Variants in SLC2A13 observed in about 807,000 individuals in gnomAD.
SLC2A13 encodes solute carrier family 2 member 13, also known as proton myo-inositol cotransporter.
A neutral mutation model predicts 64.4 loss-of-function variants in SLC2A13; 32 were observed. The ratio of observed to expected loss-of-function variants is 0.50; its 90% CI spans 0.37 to 0.67. SLC2A13 has a LOEUF of 0.67. SLC2A13 is among the 30% of genes least tolerant of loss of function. The pLI is 0.00. For missense variants in SLC2A13, 743 were observed against 829.2 expected (o/e 0.90, Z 1.28); for synonymous variants, 338 against 327.1 (o/e 1.03, Z -0.36).
chr12:39,817,196 C>T (rs1193546439), intron 7 of SLC2A13, among the ~76,000 whole-genome samples: 2 of 152,192 alleles, frequency 1.3e-5, no homozygotes, highest in Non-Finnish European at 2.9e-5. Context: ...CACAGGAGTA[C>T]TCAACAAATT....
chr12:39,803,773 G>A (rs566687888), intron 7 of SLC2A13, among the ~76,000 whole-genome samples: 13 of 152,156 alleles, frequency 8.5e-5, no homozygotes, highest in South Asian at 8.3e-4. Context: ...GCATCTCACC[G>A]GAATTCCAAA....
At chr12:39,853,577 TCTTCCTTC>T (rs779299351) in intron 6 of SLC2A13, among the ~76,000 whole-genome samples, 1 of 151,758 alleles carries the variant, frequency 6.6e-6, no homozygotes, top group South Asian at 2.1e-4. Context: ...TTCCTTCCTT[TCTTCCTTC>T]CTTCCTTCCT....
At chr12:39,830,055 C>A (rs776023702) in intron 7 of SLC2A13, 48 bp downstream of exon 7, 1 of 1,610,314 alleles carries the variant, frequency 6.2e-7, no homozygotes, top group East Asian at 2.2e-5. Context: ...ACATAAGCCT[C>A]GTTTTGAAAT....
chr12:40,070,401 G>A (rs1592057241), intron 1 of SLC2A13, among the ~76,000 whole-genome samples: 1 of 152,128 alleles, frequency 6.6e-6, no homozygotes, highest in African/African-American at 2.4e-5. Context: ...TCCTTCTTCT[G>A]TAAGAAGAGA....
At chr12:40,047,576 A>G (rs1281434164) in intron 2 of SLC2A13, among the ~76,000 whole-genome samples, 1 of 152,222 alleles carries the variant, frequency 6.6e-6, no homozygotes, top group Admixed American at 6.5e-5. Context: ...ATATCAAGGA[A>G]TAATTTGTAT....
intron 2 of SLC2A13, among the ~76,000 whole-genome samples, chr12:40,035,154 G>A (rs994558811): frequency 3.3e-5 from 5 of 152,110 alleles, no homozygotes; most frequent in African/African-American, 1.2e-4. Context: ...TATACTGAAG[G>A]AATAATCACA....
intron 1 of SLC2A13, among the ~76,000 whole-genome samples, chr12:40,093,265 A>G (rs1201336179): frequency 1.3e-5 from 2 of 152,250 alleles, no homozygotes; most frequent in African/African-American, 4.8e-5. Flanking sequence ...GCAACCCTAG[A>G]GAACATTTAA....
rs541989719 is a variant in SLC2A13 at position 39,884,060 on chromosome 12, T to C, written c.1035-12099A>G. Reference sequence around the variant, plus strand: ...AGTTTTGTTTGAAGTGTTAACATTTTGTAGATTGGAAAATGTCATACATTG... The same window carrying C: ...AGTTTTGTTTGAAGTGTTAACATTTCGTAGATTGGAAAATGTCATACATTG... On this transcript the variant is annotated intron_variant, in intron 4 of 9. Coordinates refer to ENST00000280871, the MANE Select transcript of SLC2A13 (RefSeq NM_052885.4). 2.0e-5 allele frequency among the ~76,000 whole-genome samples: 3 copies of C among 152,338 alleles called. No homozygotes were observed. In the East Asian group the frequency reaches 5.8e-4, roughly 29 times the overall value.
chr12:39,804,538 T>TG (rs1941905538), intron 7 of SLC2A13, among the ~76,000 whole-genome samples: 3 of 152,206 alleles, frequency 2.0e-5, no homozygotes, highest in Non-Finnish European at 4.4e-5. Context: ...CCCTGATTTC[T>TG]TAGCTTGTAG....
chr12:39,835,258 A>C (rs1367034801), intron 6 of SLC2A13, among the ~76,000 whole-genome samples: 1 of 152,070 alleles, frequency 6.6e-6, no homozygotes, highest in Non-Finnish European at 1.5e-5. Context: ...ATTGTCTAAC[A>C]ATCCACCCAG....
chr12:40,046,634 T>C (rs1484436691), intron 2 of SLC2A13, among the ~76,000 whole-genome samples: 2 of 149,312 alleles, frequency 1.3e-5, no homozygotes, highest in South Asian at 2.1e-4. Flanking sequence ...ATCTACTGAG[T>C]AGAAAAAAAA....
At chr12:39,900,380 A>C (rs1945058328) in intron 4 of SLC2A13, among the ~76,000 whole-genome samples, 1 of 152,180 alleles carries the variant, frequency 6.6e-6, no homozygotes, top group African/African-American at 2.4e-5. Context: ...TTATATTAGG[A>C]AAAGAGGAAG....
At chr12:40,077,256 G>C (rs916290097) in intron 1 of SLC2A13, among the ~76,000 whole-genome samples, 1 of 151,966 alleles carries the variant, frequency 6.6e-6, no homozygotes, top group Non-Finnish European at 1.5e-5. Flanking sequence ...TATTTCCTAG[G>C]CTTCCTTCTA....
At chr12:39,988,773 T>A (rs1486270800) in intron 3 of SLC2A13, among the ~76,000 whole-genome samples, 6 of 152,026 alleles carry the variant, frequency 3.9e-5, no homozygotes, top group Non-Finnish European at 1.5e-5. Context: ...AGTTGTTAAA[T>A]TCATAGCTTA....
At chr12:39,900,944 C>T (rs1945081914) in intron 4 of SLC2A13, among the ~76,000 whole-genome samples, 1 of 152,126 alleles carries the variant, frequency 6.6e-6, no homozygotes, top group Non-Finnish European at 1.5e-5. Flanking sequence ...AACTATACCA[C>T]AAGGCAACAG....
chr12:40,046,159 C>A (rs2136235097), intron 2 of SLC2A13, among the ~76,000 whole-genome samples: 1 of 152,274 alleles, frequency 6.6e-6, no homozygotes. Flanking sequence ...TCTGGTTCTA[C>A]TTTATAGAAA....
chr12:40,055,181 G>T (rs928171676), intron 1 of SLC2A13, among the ~76,000 whole-genome samples: 6 of 152,128 alleles, frequency 3.9e-5, no homozygotes, highest in African/African-American at 1.4e-4. Context: ...AAGACACTCA[G>T]AAAAGATGCT....
intron 3 of SLC2A13, among the ~76,000 whole-genome samples, chr12:39,995,247 T>TATCC (rs1947207751): frequency 6.6e-6 from 1 of 152,254 alleles, no homozygotes; most frequent in African/African-American, 2.4e-5. Flanking sequence ...GTGATTAGGA[T>TATCC]ATCCATCACC....
rs111667163 is a variant in SLC2A13, at chr12:39,996,206, G to C, written c.925+32095C>G. ...CTTGTTATGTTTTAGCAAAGAGACT[G>C]GCAGCATTTTGCCCCTGCCCTAGAG... On this transcript the variant is annotated intron_variant, in intron 3 of 9. Transcript: ENST00000280871. Among the ~76,000 whole-genome samples, 383 of 152,292 alleles carry C rather than the reference G, an allele frequency of 2.5e-3. 1 individual carries two copies. The highest frequency in any genetic ancestry group is 8.3e-3 in the African/African-American group (345 of 41,566).
Sources: allele counts gnomAD v4.1 joint callset (sites outside exome capture counted in the v4.1 genomes callset), GRCh38; gene constraint gnomAD v4.1.1; transcripts MANE v1.5; gene names NCBI Gene and HGNC (gene_info 2026-07-23, HGNC 2026-07-21).